The following SLIT3 variants were observed in gnomAD, a reference collection of about 807,000 sequenced individuals.
SLIT3 encodes the protein slit guidance ligand 3, also known as slit homolog 3 protein.
In SLIT3, 68 loss-of-function variants were observed where a neutral mutation model predicts 184.0. The ratio of observed to expected loss-of-function variants is 0.37; its 90% confidence interval spans 0.30 to 0.45. The LOEUF is 0.45. SLIT3 is among the 20% of genes least tolerant of loss of function. The probability of loss-of-function intolerance (pLI) is 1.00; values close to 1 mark genes in which losing one functional copy is unlikely to be tolerated. For synonymous variants in SLIT3, 831 were observed against 828.6 expected (o/e 1.00, Z -0.05); for missense variants, 1,707 against 2,026.0 (o/e 0.84, Z 3.02).
At position 169,132,537 on chromosome 5, in the gene SLIT3, C is replaced by G. The variant is rs1664859363; in HGVS notation, c.413+60942G>C. 2.0e-5 allele frequency among the ~76,000 whole-genome samples: 3 copies of G among 152,248 alleles called. No homozygotes were observed. In the South Asian group the frequency reaches 6.2e-4, roughly 32 times the overall value. On this transcript the variant is annotated intron_variant, in intron 4 of 35. Coordinates refer to ENST00000519560, the MANE Select transcript of SLIT3 (RefSeq NM_003062.4). ...CACTCAAGGGAAAGGCTGACTTATG[C>G]AAATTCCTGGGCCAGAGGGTTTGCA... is the stretch of plus-strand genomic sequence containing the variant.
intron 7 of SLIT3, among the ~76,000 whole-genome samples, chr5:168,819,305 G>C (rs551156583): frequency 6.6e-6 from 1 of 152,364 alleles, no homozygotes; most frequent in South Asian, 2.1e-4. Flanking sequence ...CAAAAACAGA[G>C]AGGAGGCTTG....
At chr5:168,759,663 T>C (rs1256245595) in intron 16 of SLIT3, among the ~76,000 whole-genome samples, 1 of 152,026 alleles carries the variant, frequency 6.6e-6, no homozygotes, top group Non-Finnish European at 1.5e-5. Context: ...AGAACGTGGG[T>C]GTGGGTGACT....
At chr5:168,691,642 A>G (rs569509776) in intron 29 of SLIT3, among the ~76,000 whole-genome samples, 145 of 152,302 alleles carry the variant, frequency 9.5e-4, no homozygotes, top group African/African-American at 3.2e-3. Flanking sequence ...GTCTGCTAAC[A>G]TCCTGGGGTC....
At chr5:168,774,213 G>A (rs769396087) in intron 13 of SLIT3, 22 bp downstream of exon 13, 6 of 1,572,178 alleles carry the variant, frequency 3.8e-6, no homozygotes, top group African/African-American at 2.7e-5. Flanking sequence ...GCACCCACTG[G>A]CACCCGAGGC....
intron 4 of SLIT3, among the ~76,000 whole-genome samples, chr5:168,980,929 G>A (rs1384725455): frequency 2.0e-5 from 3 of 152,128 alleles, no homozygotes; most frequent in Admixed American, 1.3e-4. Context: ...TCCATCAAAA[G>A]CAATGGTTAC....
At chr5:169,080,019 G>T (rs991687398) in intron 4 of SLIT3, among the ~76,000 whole-genome samples, 17 of 152,138 alleles carry the variant, frequency 1.1e-4, no homozygotes, top group African/African-American at 4.1e-4. Context: ...TTATTTAAGG[G>T]GGGCTACTGC....
intron 1 of SLIT3, among the ~76,000 whole-genome samples, chr5:169,281,206 G>A (rs1433729192): frequency 1.3e-5 from 2 of 152,212 alleles, no homozygotes; most frequent in African/African-American, 2.4e-5. Context: ...GGTAGGGGGA[G>A]GCTGGGCGCA....
chr5:168,711,571 T>C (rs1224229658), intron 24 of SLIT3, among the ~76,000 whole-genome samples: 1 of 152,152 alleles, frequency 6.6e-6, no homozygotes, highest in Non-Finnish European at 1.5e-5. Context: ...CTTTTGAAAG[T>C]TTTAGAATAT....
intron 1 of SLIT3, among the ~76,000 whole-genome samples, chr5:169,286,800 G>A (rs757147609): frequency 5.3e-5 from 8 of 152,300 alleles, no homozygotes; most frequent in Admixed American, 3.3e-4. Context: ...TGCTCTGCTC[G>A]TGAAATGCTG....
At chr5:169,278,429 T>C (rs777251377) in intron 1 of SLIT3, among the ~76,000 whole-genome samples, 1 of 152,218 alleles carries the variant, frequency 6.6e-6, no homozygotes, top group Non-Finnish European at 1.5e-5. Context: ...TGGGGATTCA[T>C]GGGAAAACTA....
At chr5:169,009,575 G>A (rs1241120349) in intron 4 of SLIT3, among the ~76,000 whole-genome samples, 1 of 152,220 alleles carries the variant, frequency 6.6e-6, no homozygotes, top group Non-Finnish European at 1.5e-5. Flanking sequence ...ATCACTGAGA[G>A]AAGCTACCTT....
At chr5:168,766,699 CATGTTAGGGGCAGTG>C (rs1300165313) in intron 14 of SLIT3, among the ~76,000 whole-genome samples, 1 of 152,222 alleles carries the variant, frequency 6.6e-6, no homozygotes, top group African/African-American at 2.4e-5. Context: ...TGGTCCCTGC[CATGTTAGGGGCAGTG>C]CCGAGGGCCT....
At chr5:169,182,655 T>C (rs1180746728) in intron 4 of SLIT3, among the ~76,000 whole-genome samples, 2 of 152,222 alleles carry the variant, frequency 1.3e-5, no homozygotes, top group African/African-American at 4.8e-5. Flanking sequence ...CAGGAACAAA[T>C]ATTTCAAGAT....
At chr5:168,796,325 G>A (rs369457055) in intron 9 of SLIT3, among the ~76,000 whole-genome samples, 6 of 152,320 alleles carry the variant, frequency 3.9e-5, no homozygotes, top group South Asian at 2.1e-4. Context: ...AGAAGGGGCC[G>A]TGGGGAATGA....
rs145442021 is a variant in SLIT3, at chr5:168,667,201, G to C, written c.4337-512C>G. On this transcript the variant is annotated intron_variant, in intron 35 of 35. Coordinates refer to ENST00000519560, the MANE Select transcript of SLIT3 (RefSeq NM_003062.4). The stretch of plus-strand genomic sequence containing the variant: ...AAGCTGAGTGCTTTAGATGGGGCAG[G>C]CAATCTCCAGTTTGCCCCAGTCACT... Among the ~76,000 whole-genome samples the C allele has an allele frequency of 4.6e-4, 70 of 152,282 alleles. 1 individual carries two copies. The East Asian group carries it at 0.013, about 28-fold the overall frequency.
At chr5:169,040,961 G>C (rs950246592) in intron 4 of SLIT3, among the ~76,000 whole-genome samples, 5 of 152,162 alleles carry the variant, frequency 3.3e-5, no homozygotes, top group East Asian at 1.9e-4. Flanking sequence ...CTGAAGAAGG[G>C]AGTGATTCAT....
intron 4 of SLIT3, among the ~76,000 whole-genome samples, chr5:168,991,361 G>A (rs1755320569): frequency 6.6e-6 from 1 of 152,210 alleles, no homozygotes; most frequent in Non-Finnish European, 1.5e-5. Flanking sequence ...TTGCTCCAAG[G>A]CCTCAGCTCT....
In SLIT3 at chr5:169,127,472, T is replaced by C. The variant is rs566575647; in HGVS notation, c.413+66007A>G. Reference sequence around the variant, plus strand: ...GGTTTTCAAATAGAATGTGGAGTGGTCATCTTTGTCTAAAATCGGAGCAAC... The same window carrying C: ...GGTTTTCAAATAGAATGTGGAGTGGCCATCTTTGTCTAAAATCGGAGCAAC... On this transcript the variant is annotated intron_variant, in intron 4 of 35. Coordinates refer to ENST00000519560, the MANE Select transcript of SLIT3 (RefSeq NM_003062.4). Among the ~76,000 whole-genome samples, 36 of 152,332 alleles carry C rather than the reference T, an allele frequency of 2.4e-4. No individual in the cohort carries two copies. The South Asian group carries it at 6.0e-3, about 25-fold the overall frequency.
intron 4 of SLIT3, among the ~76,000 whole-genome samples, chr5:169,060,767 T>C (rs1001598297): frequency 9.2e-5 from 14 of 152,188 alleles, no homozygotes; most frequent in African/African-American, 2.7e-4. Flanking sequence ...AGAATGCTCA[T>C]TGGGCTGAGT....
Sources: allele counts gnomAD v4.1 joint callset (sites outside exome capture counted in the v4.1 genomes callset), GRCh38; gene constraint gnomAD v4.1.1; transcripts MANE v1.5; gene names NCBI Gene and HGNC (gene_info 2026-07-23, HGNC 2026-07-21).